The following GDAP2 variants were observed in gnomAD, a reference collection of about 807,000 sequenced individuals.
GDAP2 encodes ganglioside induced differentiation associated protein 2, also known as ganglioside-induced differentiation-associated protein 2.
Under a neutral mutation model 67.0 loss-of-function variants are expected in GDAP2, and 51 were observed. That is an observed-to-expected ratio of 0.76 (90% CI 0.61 to 0.96). GDAP2 has a LOEUF of 0.96. GDAP2 is among the 40% of genes least tolerant of loss of function. GDAP2 has a pLI of 0.00. For synonymous variants in GDAP2, 203 were observed against 207.3 expected (o/e 0.98, Z 0.18); for missense variants, 547 against 588.3 (o/e 0.93, Z 0.73).
chr1:117,876,638 T>G (rs189324589), intron 13 of GDAP2, among the ~76,000 whole-genome samples: 4 of 152,332 alleles, frequency 2.6e-5, no homozygotes, highest in Non-Finnish European at 4.4e-5. Context: ...AATTACATTA[T>G]GCTTGTATTT....
intron 10 of GDAP2, among the ~76,000 whole-genome samples, chr1:117,886,361 A>G (rs1648853985): frequency 6.6e-6 from 1 of 152,180 alleles, no homozygotes; most frequent in South Asian, 2.1e-4. Context: ...AGATCACATT[A>G]CTGTATTCCA....
At chr1:117,903,072 T>C (rs1649538081) in intron 6 of GDAP2, among the ~76,000 whole-genome samples, 1 of 152,180 alleles carries the variant, frequency 6.6e-6, no homozygotes. Context: ...GATTGGTCAT[T>C]GTTAGTGTGT....
Position 117,881,942 on chromosome 1 carries a change from A to T in GDAP2, c.1248-65T>A, listed in dbSNP as rs116769105. 1.9e-3 allele frequency: 1,603 copies of T among 826,190 alleles called. 20 individuals are homozygous for T. In the African/African-American group the frequency reaches 0.024, roughly 13 times the overall value. The allele number at this position is 826,190 out of a possible 1,614,324, so 51.2% of individuals were successfully genotyped here. On this transcript the variant is annotated intron_variant, in intron 11 of 13. Transcript: ENST00000369443. ...TTCATGCCTAAAACCAATTACTATT[A>T]TAGACTATTAACTATTTGCCTGAGT... is the stretch of plus-strand genomic sequence containing the variant.
intron 1 of GDAP2, among the ~76,000 whole-genome samples, chr1:117,924,265 TG>T (rs923456610): frequency 4.6e-5 from 7 of 152,332 alleles, no homozygotes; most frequent in African/African-American, 1.7e-4. Context: ...GGTAGTTTTT[TG>T]ATCCTTTCCC....
intron 3 of GDAP2, among the ~76,000 whole-genome samples, chr1:117,916,164 G>T (rs1420234425): frequency 6.6e-6 from 1 of 152,178 alleles, no homozygotes; most frequent in Admixed American, 6.5e-5. Context: ...AAGTACTGCA[G>T]GCTGGCAGCA....
At chr1:117,883,225 C>T (rs1463420795) in intron 11 of GDAP2, 1 of 330,908 alleles carries the variant, frequency 3.0e-6, no homozygotes, top group African/African-American at 2.1e-5. Flanking sequence ...AAGTATAATA[C>T]ATCATATAAA....
At chr1:117,882,641 T>G (rs1278808125) in intron 11 of GDAP2, among the ~76,000 whole-genome samples, 1 of 152,186 alleles carries the variant, frequency 6.6e-6, no homozygotes, top group Non-Finnish European at 1.5e-5. Context: ...GTTTAAGAAC[T>G]GGTTAGTGGT....
intron 3 of GDAP2, 121 bp from the exon 4 acceptor site, chr1:117,912,804 A>C: frequency 1.3e-6 from 1 of 791,586 alleles, no homozygotes; most frequent in South Asian, 1.7e-5. Flanking sequence ...AAAAATACAG[A>C]CTGAACACAA....
intron 1 of GDAP2, among the ~76,000 whole-genome samples, chr1:117,922,881 G>T (rs1650307003): frequency 6.6e-6 from 1 of 152,206 alleles, no homozygotes; most frequent in Non-Finnish European, 1.5e-5. Flanking sequence ...CAAGCCTGGG[G>T]GCGTTGCAGG....
Position 117,870,465 on chromosome 1 carries a change from AG to A in GDAP2, c.*103del, listed in dbSNP as rs1648216806. ...AAAATACCAGAGAGGTGGGGACAAA[AG>A]GCTCTCTGGATCTGTACAGCAACAA... On this transcript the variant is annotated 3_prime_UTR_variant, in exon 14 of 14. Transcript: ENST00000369443. 3.9e-6 allele frequency: 3 copies of A among 769,374 alleles called. No individual in the cohort carries two copies. The highest frequency in any genetic ancestry group is 6.9e-6 in the Non-Finnish European group (3 of 437,580). The allele number at this position is 769,374 out of a possible 1,614,324, so 47.7% of individuals were successfully genotyped here. A position where few individuals can be genotyped will look rare whatever the true frequency, so the allele number is the denominator to read the frequency against.
chr1:117,899,637 G>GTTTA (rs1296168773), intron 6 of GDAP2, among the ~76,000 whole-genome samples: 2 of 151,824 alleles, frequency 1.3e-5, no homozygotes, highest in African/African-American at 4.8e-5. Context: ...CTTTCATGAT[G>GTTTA]TTTATTCTTT....
intron 3 of GDAP2, among the ~76,000 whole-genome samples, chr1:117,918,370 C>G (rs781399167): frequency 2.0e-5 from 3 of 152,092 alleles, no homozygotes; most frequent in Admixed American, 6.5e-5. Flanking sequence ...CAGGACAGGA[C>G]AAAGAAGTTT....
At chr1:117,902,798 A>T (rs144884763) in intron 6 of GDAP2, among the ~76,000 whole-genome samples, 1,563 of 152,296 alleles carry the variant, frequency 0.01, 10 homozygotes, top group Middle Eastern at 0.031. Context: ...TCTGCAAAAA[A>T]TGAGTTGGGA....
In GDAP2 at chr1:117,920,262, A is replaced by C. The variant is rs751660153; in HGVS notation, c.96T>G (p.Thr32=). The C allele has an allele frequency of 1.1e-5, 18 of 1,605,888 alleles. No individual in the cohort carries two copies. The highest frequency in any genetic ancestry group is 1.4e-5 in the Non-Finnish European group (17 of 1,172,756). ...TGTCTTCCTGAAATATTTCAGCTGT[A>C]GTATCAGAGGAATTTAATTCATCTT... is the stretch of plus-strand genomic sequence containing the variant. ...SCQDELNSSD[T]TAEIFQEDTV... Residue 32 remains threonine, a synonymous_variant, in exon 2 of 14, where the codon ACT becomes ACG. Transcript: ENST00000369443.
intron 5 of GDAP2, among the ~76,000 whole-genome samples, chr1:117,907,840 C>G (rs956591817): frequency 2.0e-5 from 3 of 151,936 alleles, no homozygotes; most frequent in African/African-American, 7.3e-5. Context: ...TCATGTTACC[C>G]TTTTTAATAA....
At chr1:117,911,969 G>T (rs182375270) in intron 5 of GDAP2, 25 bp downstream of exon 5, 65 of 1,304,126 alleles carry the variant, frequency 5.0e-5, no homozygotes, top group Non-Finnish European at 7.2e-5. Context: ...TTCAATTCAT[G>T]TACAGCATCT....
chr1:117,879,098 G>A (rs1648564758), intron 12 of GDAP2, among the ~76,000 whole-genome samples: 1 of 152,196 alleles, frequency 6.6e-6, no homozygotes, highest in African/African-American at 2.4e-5. Flanking sequence ...AGGACAACAT[G>A]AAAATTAATT....
intron 5 of GDAP2, among the ~76,000 whole-genome samples, chr1:117,907,397 A>G (rs952549294): frequency 6.6e-6 from 1 of 152,166 alleles, no homozygotes; most frequent in Admixed American, 6.5e-5. Flanking sequence ...GACCCAAATT[A>G]CCTGATGCCT....
At chr1:117,911,948 A>C (rs1302847834) in intron 5 of GDAP2, 46 bp downstream of exon 5, 1 of 1,165,010 alleles carries the variant, frequency 8.6e-7, no homozygotes, top group Non-Finnish European at 1.3e-6. Context: ...GAATTTAAAA[A>C]ATTTTTAAGA....
Sources: gnomAD v4.1 joint callset for allele counts (sites outside exome capture counted in the v4.1 genomes callset) on GRCh38, gnomAD v4.1.1 for gene constraint, MANE v1.5 for transcripts, NCBI Gene and HGNC (gene_info 2026-07-23, HGNC 2026-07-21) for gene names.